The following MRPL3 variants were observed in gnomAD, a reference collection of about 807,000 sequenced individuals.
The protein encoded by MRPL3 is mitochondrial ribosomal protein L3.
MRPL3 carries 43 observed loss-of-function variants against 44.3 expected under a neutral mutation model. The ratio of observed to expected loss-of-function variants is 0.97; its 90% CI spans 0.76 to 1.25. MRPL3 has a LOEUF of 1.25. Among genes scored for constraint, MRPL3 ranks in the 50% most tolerant of loss-of-function variants. The pLI, the probability that MRPL3 is intolerant of heterozygous loss-of-function variation, is 0.00. For missense variants in MRPL3, 406 were observed against 427.6 expected, an observed-to-expected ratio of 0.95 and a Z score of 0.45; for synonymous variants, 171 against 152.3, an observed-to-expected ratio of 1.12 and a Z score of -0.91.
rs558394910 is a variant in MRPL3, at chr3:131,501,390, A to G, written c.277+141T>C. ...TAGGAAGTTGGAAATAAACATGCAA[A>G]ACAAACCACAATAAAACACACGCAG... On this transcript the variant is annotated intron_variant, in intron 2 of 9. Transcript: ENST00000264995. 8.9e-6 allele frequency: 7 copies of G among 785,994 alleles called. No individual in the cohort carries two copies. In the Middle Eastern group the frequency reaches 1.2e-3, roughly 132 times the overall value. 48.7% of individuals were successfully genotyped at this position (785,994 alleles called of 1,614,324 possible).
Position 131,462,784 on chromosome 3 carries a change from G to A in MRPL3, c.986C>T (p.Pro329Leu). Residue 329 changes from proline to leucine, a missense_variant, in exon 10 of 10, where the codon CCA (proline) becomes CTA (leucine). Transcript: ENST00000264995. ...CACGTTTTCATCATACAAATCTTCTGGCAGTTCCTCTTCATCTCCATCAGG... is the reference window on the plus strand; with the variant it reads ...CACGTTTTCATCATACAAATCTTCTAGCAGTTCCTCTTCATCTCCATCAGG... ...YFPDGDEEEL[P>L]EDLYDENVCQ... 3 of 1,612,978 alleles carry A rather than the reference G, an allele frequency of 1.9e-6. No individual in the cohort carries two copies. The highest frequency in any genetic ancestry group is 1.3e-5 in the African/African-American group (1 of 74,936).
At chr3:131,487,308 G>A in intron 6 of MRPL3, 2 of 183,762 alleles carry the variant, frequency 1.1e-5, no homozygotes, top group South Asian at 2.2e-4. Context: ...CAGCGGTGAG[G>A]GGCTGGGGGA....
At chr3:131,475,020 G>A (rs1243374666) in intron 6 of MRPL3, among the ~76,000 whole-genome samples, 1 of 152,018 alleles carries the variant, frequency 6.6e-6, no homozygotes, top group East Asian at 1.9e-4. Context: ...AGCCTTGAGT[G>A]ATCCTCCCAC....
At chr3:131,487,422 C>A (rs959601412) in intron 6 of MRPL3, 3 of 340,096 alleles carry the variant, frequency 8.8e-6, no homozygotes, top group African/African-American at 2.2e-5. Context: ...ACGTTGTGCA[C>A]ATGTACCCTA....
intron 6 of MRPL3, among the ~76,000 whole-genome samples, chr3:131,480,126 C>T (rs193271886): frequency 3.9e-5 from 6 of 152,312 alleles, no homozygotes; most frequent in Admixed American, 3.9e-4. Context: ...TCATGATGAA[C>T]TAATATGGCA....
intron 2 of MRPL3, 106 bp from the exon 3 acceptor site, chr3:131,500,627 G>A (rs1056803992): frequency 1.2e-5 from 10 of 823,806 alleles, no homozygotes; most frequent in East Asian, 1.0e-4. Flanking sequence ...GAGCAGGCAC[G>A]TAAGAAATAT....
intron 6 of MRPL3, among the ~76,000 whole-genome samples, chr3:131,486,255 C>T (rs1215786077): frequency 2.0e-5 from 3 of 149,310 alleles, no homozygotes; most frequent in Non-Finnish European, 4.4e-5. Context: ...CAATACTATT[C>T]AGGACATAGG....
At chr3:131,462,961 T>G in intron 9 of MRPL3, 86 bp from the exon 10 acceptor site, 2 of 1,125,932 alleles carry the variant, frequency 1.8e-6, no homozygotes, top group Admixed American at 2.2e-5. Context: ...AAAGAAATAC[T>G]CGCTACTACA....
At chr3:131,493,571 C>T (rs1266637989) in intron 4 of MRPL3, among the ~76,000 whole-genome samples, 3 of 152,216 alleles carry the variant, frequency 2.0e-5, no homozygotes, top group South Asian at 2.1e-4. Context: ...GCTAAACCAA[C>T]GATGAAAAGA....
chr3:131,476,330 G>C (rs1933851432), intron 6 of MRPL3, among the ~76,000 whole-genome samples: 1 of 152,104 alleles, frequency 6.6e-6, no homozygotes. Flanking sequence ...TTGATCCATG[G>C]GAGGTACAGG....
chr3:131,500,587 G>C, intron 2 of MRPL3, 66 bp from the exon 3 acceptor site: 3 of 1,365,758 alleles, frequency 2.2e-6, no homozygotes, highest in Non-Finnish European at 3.1e-6. Flanking sequence ...TTATGAAATC[G>C]TTTTTCCTAA....
intron 6 of MRPL3, among the ~76,000 whole-genome samples, chr3:131,485,883 T>C (rs183413766): frequency 0.013 from 1,909 of 152,306 alleles, 17 homozygotes; most frequent in East Asian, 0.035. Context: ...GCTCAATCTC[T>C]GTGATTACAA....
intron 4 of MRPL3, among the ~76,000 whole-genome samples, chr3:131,497,561 A>G (rs773342559): frequency 1.6e-4 from 25 of 152,286 alleles, no homozygotes; most frequent in Admixed American, 3.3e-4. Flanking sequence ...ATTTTGAGAA[A>G]GGTTTTCTGG....
chr3:131,495,362 G>A (rs914689460), intron 4 of MRPL3, among the ~76,000 whole-genome samples: 4 of 152,024 alleles, frequency 2.6e-5, no homozygotes, highest in African/African-American at 9.7e-5. Flanking sequence ...TTTGAAGAAA[G>A]GTCATTTTAT....
rs1012524328 is a variant in MRPL3 at position 131,462,959 on chromosome 3, A to G, written c.895-84T>C. ...AGCTATTATTCATAATCAAAGAAATACTCGCTACTACATTTTCTAATGTGA... is the reference window on the plus strand; with the variant it reads ...AGCTATTATTCATAATCAAAGAAATGCTCGCTACTACATTTTCTAATGTGA... On this transcript the variant is annotated intron_variant, in intron 9 of 9. Transcript: ENST00000264995. 5.3e-6 allele frequency: 6 copies of G among 1,122,354 alleles called. No homozygotes were observed. In the African/African-American group the frequency reaches 9.4e-5, roughly 17 times the overall value. 69.5% of individuals were successfully genotyped at this position (1,122,354 alleles called of 1,614,324 possible). A position where few individuals can be genotyped will look rare whatever the true frequency, so the allele number is the denominator to read the frequency against.
At chr3:131,468,403 G>T (rs556319471) in intron 8 of MRPL3, among the ~76,000 whole-genome samples, 1 of 152,266 alleles carries the variant, frequency 6.6e-6, no homozygotes, top group East Asian at 1.9e-4. Flanking sequence ...AGATGTGACT[G>T]AATGATCAAG....
chr3:131,502,832 G>A lies in MRPL3; in HGVS notation c.-11C>T, dbSNP rs769607520. 3 of 1,610,606 alleles carry A rather than the reference G, an allele frequency of 1.9e-6. No individual in the cohort carries two copies. The Admixed American group carries it at 5.0e-5, about 27-fold the overall frequency. ...CCTCCAACCCGGCATGGATTAGCCC[G>A]GGAAGACTCGACTCACGACTTCCGG... On this transcript the variant is annotated 5_prime_UTR_variant, in exon 1 of 10. Transcript: ENST00000264995.
chr3:131,500,206 T>C (rs1424819562), intron 3 of MRPL3, among the ~76,000 whole-genome samples: 1 of 152,196 alleles, frequency 6.6e-6, no homozygotes, highest in Non-Finnish European at 1.5e-5. Flanking sequence ...AAAAAATTCA[T>C]TGCTCCAGTT....
chr3:131,474,701 A>G lies in MRPL3; in HGVS notation c.630-3422T>C, dbSNP rs142334083. ...TTAGAAATAAAATTTGTCTTTGATT[A>G]TATCAGTATAAATGACACAATAAAA... On this transcript the variant is annotated intron_variant, in intron 6 of 9. Coordinates refer to ENST00000264995, the MANE Select transcript of MRPL3 (RefSeq NM_007208.4). Among the ~76,000 whole-genome samples the G allele has an allele frequency of 5.3e-5, 8 of 152,086 alleles. No individual in the cohort carries two copies. The East Asian group carries it at 1.4e-3, about 26-fold the overall frequency.
Sources: allele counts gnomAD v4.1 joint callset (sites outside exome capture counted in the v4.1 genomes callset), GRCh38; gene constraint gnomAD v4.1.1; transcripts MANE v1.5; gene names NCBI Gene and HGNC (gene_info 2026-07-23, HGNC 2026-07-21).